Variants in NEK1 observed in about 807,000 individuals in gnomAD.
The protein encoded by NEK1 is NIMA related kinase 1, also known as serine/threonine-protein kinase Nek1.
A neutral mutation model predicts 182.1 loss-of-function variants in NEK1; 137 were observed. That is an observed-to-expected ratio of 0.75 (90% CI 0.65 to 0.87). The LOEUF is 0.87. Ranked by LOEUF, NEK1 falls within the 40% of genes least tolerant of loss-of-function variation. The pLI, the probability that NEK1 is intolerant of heterozygous loss-of-function variation, is 0.00. For synonymous variants in NEK1, 513 were observed against 492.2 expected, an observed-to-expected ratio of 1.04 and a Z score of -0.56; for missense variants, 1,391 against 1,494.4, an observed-to-expected ratio of 0.93 and a Z score of 1.14.
chr4:169,570,167 G>A (rs1217127280), intron 12 of NEK1, among the ~76,000 whole-genome samples: 11 of 141,788 alleles, frequency 7.8e-5, no homozygotes, highest in South Asian at 6.9e-4. Context: ...TGTGAGGAGC[G>A]CCTCTGCCCG....
At chr4:169,422,304 A>G (rs1233880723) in intron 31 of NEK1, among the ~76,000 whole-genome samples, 4 of 152,236 alleles carry the variant, frequency 2.6e-5, no homozygotes, top group African/African-American at 9.6e-5. Context: ...GGTCGTAGGT[A>G]AAGAAGGATA....
At chr4:169,419,227 A>C (rs1285988290) in intron 31 of NEK1, among the ~76,000 whole-genome samples, 57 of 152,190 alleles carry the variant, frequency 3.7e-4, no homozygotes, top group Non-Finnish European at 1.5e-5. Context: ...GAAAGCTCAC[A>C]TATTTCTTAG....
chr4:169,473,318 T>C (rs1305812697), intron 26 of NEK1, among the ~76,000 whole-genome samples: 2 of 149,848 alleles, frequency 1.3e-5, no homozygotes, highest in African/African-American at 2.5e-5. Context: ...AACATGGACA[T>C]GGAGGCAAAT....
chr4:169,538,744 C>G (rs536435433), intron 18 of NEK1, among the ~76,000 whole-genome samples: 1 of 151,860 alleles, frequency 6.6e-6, no homozygotes, highest in Non-Finnish European at 1.5e-5. Context: ...TGTATTTTGG[C>G]TAGTAAGGCA....
Position 169,506,999 on chromosome 4 carries a change from T to A in NEK1, c.2007+38A>T, listed in dbSNP as rs765616654. On this transcript the variant is annotated intron_variant, in intron 23 of 35. Coordinates refer to ENST00000507142, the MANE Select transcript of NEK1 (RefSeq NM_001199397.3). ...TACCCAGGAAGAGCTATAAAAATGT[T>A]AATACAACCAGGATTAAGAATATGA... 5.8e-5 allele frequency: 82 copies of A among 1,412,306 alleles called. 1 individual carries two copies. Among genetic ancestry groups the A allele is most frequent in the Non-Finnish European group, 2.0e-6 (2 of 1,021,434 alleles). 87.5% of individuals were successfully genotyped at this position (1,412,306 alleles called of 1,614,324 possible).
chr4:169,513,623 T>C (rs745951232), intron 19 of NEK1, among the ~76,000 whole-genome samples: 3 of 152,236 alleles, frequency 2.0e-5, no homozygotes, highest in Non-Finnish European at 4.4e-5. Flanking sequence ...TGGTAAAAGT[T>C]ACATGCTTGC....
intron 26 of NEK1, among the ~76,000 whole-genome samples, chr4:169,475,850 A>C (rs963494196): frequency 1.3e-5 from 2 of 152,090 alleles, no homozygotes; most frequent in African/African-American, 4.8e-5. Context: ...TGGGTATGGC[A>C]GGAAAAAAAG....
chr4:169,568,175 G>A (rs142669587), intron 12 of NEK1, among the ~76,000 whole-genome samples: 52 of 152,240 alleles, frequency 3.4e-4, no homozygotes, highest in African/African-American at 1.1e-3. Context: ...CCACTCGAGC[G>A]TGTATTCCTT....
At chr4:169,516,291 T>G (rs1755221057) in intron 19 of NEK1, among the ~76,000 whole-genome samples, 1 of 121,978 alleles carries the variant, frequency 8.2e-6, no homozygotes, top group African/African-American at 4.2e-5. Flanking sequence ...TTTGGCTGCA[T>G]AAATGTCTTC....
intron 24 of NEK1, among the ~76,000 whole-genome samples, chr4:169,478,981 T>C (rs754338909): frequency 3.3e-5 from 5 of 152,184 alleles, no homozygotes; most frequent in Non-Finnish European, 7.4e-5. Flanking sequence ...CTCTAACATT[T>C]GCCATGTCAC....
intron 31 of NEK1, among the ~76,000 whole-genome samples, chr4:169,409,234 T>G (rs1733201107): frequency 6.6e-6 from 1 of 152,018 alleles, no homozygotes; most frequent in Admixed American, 6.5e-5. Flanking sequence ...AAGCTCCGCC[T>G]CCCGGGTTCA....
rs753831904 is a variant in NEK1, at chr4:169,585,523, C to A, written c.633G>T (p.Leu211=). The change falls in exon 10 of 36, where the codon CTG becomes CTT. Residue 211 remains leucine, a synonymous_variant. Coordinates refer to ENST00000507142, the MANE Select transcript of NEK1 (RefSeq NM_001199397.3). The part of the protein sequence containing the change: ...HAFEAGSMKN[L]VLKIISGSFP... ...AAGATCCAGATATTATCTTCAGTACCAGGTTTTTCATACTGCCAGCTTCAA... is the reference window on the plus strand; with the variant it reads ...AAGATCCAGATATTATCTTCAGTACAAGGTTTTTCATACTGCCAGCTTCAA... 1 of 1,612,434 alleles carries A rather than the reference C, an allele frequency of 6.2e-7. No individual in the cohort carries two copies. The highest frequency in any genetic ancestry group is 8.5e-7 in the Non-Finnish European group (1 of 1,179,110).
intron 5 of NEK1, among the ~76,000 whole-genome samples, chr4:169,597,604 C>T (rs557976196): frequency 1.4e-4 from 21 of 152,260 alleles, no homozygotes; most frequent in Admixed American, 1.0e-3. Context: ...CCACTGCACT[C>T]CAGCTGGGGT....
At chr4:169,493,199 G>A (rs1044154654) in intron 23 of NEK1, among the ~76,000 whole-genome samples, 2 of 152,138 alleles carry the variant, frequency 1.3e-5, no homozygotes, top group African/African-American at 4.8e-5. Flanking sequence ...AAACCCATAT[G>A]GAGCTTTGGC....
At chr4:169,485,074 T>C (rs1182626459) in intron 23 of NEK1, among the ~76,000 whole-genome samples, 2 of 152,220 alleles carry the variant, frequency 1.3e-5, no homozygotes, top group African/African-American at 4.8e-5. Flanking sequence ...ATCTTAACCA[T>C]GATCAGAAAT....
chr4:169,601,200 C>T (rs572007189), intron 4 of NEK1, among the ~76,000 whole-genome samples: 1 of 152,136 alleles, frequency 6.6e-6, no homozygotes, highest in Non-Finnish European at 1.5e-5. Flanking sequence ...ACACAGAGTT[C>T]ATCTGGGAAT....
At chr4:169,549,909 G>A (rs1761158405) in intron 18 of NEK1, among the ~76,000 whole-genome samples, 2 of 152,054 alleles carry the variant, frequency 1.3e-5, no homozygotes, top group South Asian at 2.1e-4. Flanking sequence ...TTTTAGTAGA[G>A]ATGGGGTTTC....
At chr4:169,610,167 A>T (rs928420142) in intron 2 of NEK1, among the ~76,000 whole-genome samples, 3 of 151,986 alleles carry the variant, frequency 2.0e-5, no homozygotes, top group Non-Finnish European at 2.9e-5. Flanking sequence ...ATACCCAGCT[A>T]ATTTTTGTAT....
At chr4:169,586,152 G>A (rs934811648) in intron 9 of NEK1, among the ~76,000 whole-genome samples, 1 of 151,954 alleles carries the variant, frequency 6.6e-6, no homozygotes, top group African/African-American at 2.4e-5. Flanking sequence ...GAAAACAAGA[G>A]GTAGGGCAGT....
Sources: gnomAD v4.1 joint callset for allele counts (sites outside exome capture counted in the v4.1 genomes callset) on GRCh38, gnomAD v4.1.1 for gene constraint, MANE v1.5 for transcripts, NCBI Gene and HGNC (gene_info 2026-07-23, HGNC 2026-07-21) for gene names.